The following PTPN1 variants were observed in gnomAD, a reference collection of about 807,000 sequenced individuals.
PTPN1 encodes tyrosine-protein phosphatase non-receptor type 1.
A neutral mutation model predicts 59.9 loss-of-function variants in PTPN1; 12 were observed. The observed-to-expected ratio is 0.20, with a 90% confidence interval of 0.13 to 0.32. The LOEUF (loss-of-function observed/expected upper bound fraction) is 0.32, where lower values mean the gene tolerates loss of function less well. Ranked by LOEUF, PTPN1 falls within the 10% of genes least tolerant of loss-of-function variation. The pLI is 1.00. For synonymous variants in PTPN1, 178 were observed against 203.6 expected, an observed-to-expected ratio of 0.87 and a Z score of 1.07; for missense variants, 356 against 549.2, an observed-to-expected ratio of 0.65 and a Z score of 3.52.
intron 1 of PTPN1, among the ~76,000 whole-genome samples, chr20:50,525,668 A>G (rs2082571692): frequency 6.6e-6 from 1 of 152,022 alleles, no homozygotes; most frequent in Admixed American, 6.6e-5. Flanking sequence ...AAATCATTTA[A>G]ACGTCTGAAA....
rs533738059 is a variant in PTPN1, at chr20:50,513,945, C to T, written c.63+3355C>T. ...CATGGAGAGACTGGGAAGTTCTAGT[C>T]ATCTTGAGTGACCCATTAGATCTAA... On this transcript the variant is annotated intron_variant, in intron 1 of 9. Transcript: ENST00000371621. Among the ~76,000 whole-genome samples the T allele has an allele frequency of 2.6e-5, 4 of 151,864 alleles. No homozygotes were observed. The South Asian group carries it at 6.2e-4, about 24-fold the overall frequency.
chr20:50,549,850 A>T (rs2082694539), intron 1 of PTPN1, among the ~76,000 whole-genome samples: 1 of 152,100 alleles, frequency 6.6e-6, no homozygotes, highest in African/African-American at 2.4e-5. Flanking sequence ...TATTTTCCTA[A>T]GGTTTTTGTA....
At chr20:50,581,550 G>C in intron 9 of PTPN1, 90 bp downstream of exon 9, 6 of 1,371,042 alleles carry the variant, frequency 4.4e-6, no homozygotes, top group Non-Finnish European at 5.9e-6. Context: ...GTTCTGTGGT[G>C]CATCTGAGCC....
Position 50,568,329 on chromosome 20 carries a change from G to A in PTPN1, c.256-51G>A. 6.7e-7 allele frequency: 1 copy of A among 1,498,090 alleles called. No individual in the cohort carries two copies. The highest frequency in any genetic ancestry group is 9.3e-7 in the Non-Finnish European group (1 of 1,074,734). The allele number at this position is 1,498,090 out of a possible 1,614,324, so 92.8% of individuals were successfully genotyped here. On this transcript the variant is annotated intron_variant, in intron 3 of 9. Transcript: ENST00000371621. The surrounding 1 kb of genome is among the most constrained non-coding windows in gnomAD (Gnocchi z 5.6). ...TGACTGCAGAAGGTGAGCACACGCTGTAGCATGTTATGTTTCAGATGTCAC... is the reference window on the plus strand; with the variant it reads ...TGACTGCAGAAGGTGAGCACACGCTATAGCATGTTATGTTTCAGATGTCAC...
intron 4 of PTPN1, among the ~76,000 whole-genome samples, chr20:50,569,454 T>C (rs1317250802): frequency 6.6e-6 from 1 of 152,208 alleles, no homozygotes; most frequent in Non-Finnish European, 1.5e-5. Context: ...CTCCTCACTC[T>C]GTTGGAATAG....
intron 2 of PTPN1, among the ~76,000 whole-genome samples, chr20:50,563,878 G>GA (rs1324102567): frequency 1.6e-4 from 24 of 150,456 alleles, no homozygotes; most frequent in Admixed American, 1.4e-3. Context: ...AATGATACAA[G>GA]AAAAAAAAAG....
intron 4 of PTPN1, chr20:50,570,924 G>A (rs2082805244): frequency 1.3e-5 from 2 of 152,232 alleles, no homozygotes; most frequent in African/African-American, 4.8e-5. Flanking sequence ...ATGGTATTGA[G>A]GGTTGGGAAT....
At chr20:50,545,827 G>A (rs913242702) in intron 1 of PTPN1, among the ~76,000 whole-genome samples, 1 of 151,932 alleles carries the variant, frequency 6.6e-6, no homozygotes. Flanking sequence ...ACCAGCCCAG[G>A]CAGCATAGCG....
Position 50,568,507 on chromosome 20 carries a change from G to A in PTPN1, c.354+29G>A, listed in dbSNP as rs552970783. The A allele has an allele frequency of 4.5e-6, 7 of 1,548,016 alleles. No individual in the cohort carries two copies. The Admixed American group carries it at 5.0e-5, about 11-fold the overall frequency. ...AGTCTCGGCTTCATTTGCTGTGTAT[G>A]TGATCATGCATACCACTCCATATAG... On this transcript the variant is annotated intron_variant, in intron 4 of 9. Coordinates refer to ENST00000371621, the MANE Select transcript of PTPN1 (RefSeq NM_002827.4). The surrounding 1 kb of genome is among the most constrained non-coding windows in gnomAD (Gnocchi z 5.6).
chr20:50,520,997 A>G (rs1033720373), intron 1 of PTPN1, among the ~76,000 whole-genome samples: 13 of 152,160 alleles, frequency 8.5e-5, no homozygotes, highest in Admixed American at 2.6e-4. Context: ...TTCATGCCTT[A>G]CTCATGCTAG....
intron 1 of PTPN1, among the ~76,000 whole-genome samples, chr20:50,528,454 C>G (rs958835285): frequency 6.6e-6 from 1 of 152,274 alleles, no homozygotes. Flanking sequence ...TGGCTCATAC[C>G]TGTAATCCGA....
At chr20:50,575,852 G>A (rs1051821953) in intron 5 of PTPN1, among the ~76,000 whole-genome samples, 2 of 152,102 alleles carry the variant, frequency 1.3e-5, no homozygotes, top group African/African-American at 4.8e-5. Flanking sequence ...GCTTGTGCCC[G>A]GGAGTTCAAG....
chr20:50,556,491 A>G (rs928004252), intron 1 of PTPN1, among the ~76,000 whole-genome samples: 2 of 152,162 alleles, frequency 1.3e-5, no homozygotes, highest in African/African-American at 4.8e-5. Context: ...CTCGAGCTCC[A>G]TCATTCTGTT....
chr20:50,575,769 AC>A (rs869230976), intron 5 of PTPN1, among the ~76,000 whole-genome samples: 1 of 152,116 alleles, frequency 6.6e-6, no homozygotes, highest in Non-Finnish European at 1.5e-5. Context: ...CTACAAAAAA[AC>A]AAAAACAGTT....
chr20:50,553,562 A>G, intron 1 of PTPN1, among the ~76,000 whole-genome samples: 1 of 152,234 alleles, frequency 6.6e-6, no homozygotes, highest in East Asian at 1.9e-4. Context: ...GGAGAGAGAC[A>G]GACCTCTGTA....
At chr20:50,564,008 T>C (rs774704924) in intron 2 of PTPN1, among the ~76,000 whole-genome samples, 1 of 152,166 alleles carries the variant, frequency 6.6e-6, no homozygotes, top group Non-Finnish European at 1.5e-5. Context: ...TCAAGTGTCT[T>C]TGTGATATGC....
At chr20:50,545,837 G>A (rs978822433) in intron 1 of PTPN1, among the ~76,000 whole-genome samples, 7 of 151,896 alleles carry the variant, frequency 4.6e-5, no homozygotes, top group African/African-American at 1.7e-4. Context: ...GCAGCATAGC[G>A]AGACCCCCCC....
chr20:50,532,987 G>T (rs1401143334), intron 1 of PTPN1, among the ~76,000 whole-genome samples: 2 of 151,716 alleles, frequency 1.3e-5, no homozygotes, highest in African/African-American at 2.4e-5. Flanking sequence ...TTCTCCTGGG[G>T]TCTGCAGGTA....
chr20:50,558,859 A>G (rs542327946), intron 1 of PTPN1, among the ~76,000 whole-genome samples: 2 of 152,134 alleles, frequency 1.3e-5, no homozygotes, highest in Admixed American at 1.3e-4. Flanking sequence ...CAGTTTTTGC[A>G]GAAATTTCCT....
Sources: allele counts gnomAD v4.1 joint callset (sites outside exome capture counted in the v4.1 genomes callset), GRCh38; gene constraint gnomAD v4.1.1; non-coding constraint Gnocchi (gnomAD v3.1); transcripts MANE v1.5; gene names NCBI Gene and HGNC (gene_info 2026-07-23, HGNC 2026-07-21).